The following SH3BGRL2 variants were observed in gnomAD, a reference collection of about 807,000 sequenced individuals.
The protein encoded by SH3BGRL2 is SH3 domain binding glutamate rich protein like 2, also known as SH3 domain-binding glutamic acid-rich-like protein 2.
Under a neutral mutation model 14.8 loss-of-function variants are expected in SH3BGRL2, and 21 were observed. The ratio of observed to expected loss-of-function variants is 1.42; its 90% CI spans 1.01 to 2.05. SH3BGRL2 has a LOEUF of 2.05. SH3BGRL2 is among the 30% of genes most tolerant of loss of function. The pLI, the probability that SH3BGRL2 is intolerant of heterozygous loss-of-function variation, is 0.00. For synonymous variants in SH3BGRL2, 50 were observed against 47.8 expected (o/e 1.05, Z -0.19); for missense variants, 147 against 130.8 (o/e 1.12, Z -0.61).
the SH3BGRL2 span, among the ~76,000 whole-genome samples, chr6:79,547,598 A>G: frequency 0.013 from 2,039 of 152,202 alleles, 52 homozygotes; most frequent in African/African-American, 0.045. Context: ...CTGCTCCCCA[A>G]CATTAGTCCG....
the SH3BGRL2 span, among the ~76,000 whole-genome samples, chr6:79,625,431 AGCTGC>A: frequency 6.6e-6 from 1 of 152,178 alleles, no homozygotes; most frequent in Non-Finnish European, 1.5e-5. Flanking sequence ...ATGAAATTTA[AGCTGC>A]ATTATTTGAC....
At chr6:79,592,040 A>G in the SH3BGRL2 span, among the ~76,000 whole-genome samples, 1 of 152,206 alleles carries the variant, frequency 6.6e-6, no homozygotes, top group Non-Finnish European at 1.5e-5. Context: ...AGATAACAAC[A>G]CTGATTCTAC....
At chr6:79,624,808 T>A in the SH3BGRL2 span, among the ~76,000 whole-genome samples, 1 of 152,144 alleles carries the variant, frequency 6.6e-6, no homozygotes, top group Non-Finnish European at 1.5e-5. Flanking sequence ...TTTCTGTTTT[T>A]TGGGTTTTTT....
At chr6:79,583,818 A>G in the SH3BGRL2 span, among the ~76,000 whole-genome samples, 1 of 152,168 alleles carries the variant, frequency 6.6e-6, no homozygotes, top group Non-Finnish European at 1.5e-5. Context: ...GTTTATTTTT[A>G]TTACTTTCTT....
chr6:79,559,293 A>C, the SH3BGRL2 span, among the ~76,000 whole-genome samples: 3 of 152,038 alleles, frequency 2.0e-5, no homozygotes, highest in East Asian at 3.9e-4. Context: ...GTGAGACCCC[A>C]TCCGTCTCTG....
At chr6:79,584,777 A>G in the SH3BGRL2 span, among the ~76,000 whole-genome samples, 2 of 152,114 alleles carry the variant, frequency 1.3e-5, no homozygotes, top group Non-Finnish European at 2.9e-5. Context: ...AGTGTTGATG[A>G]GAGTGTGGGG....
the SH3BGRL2 span, among the ~76,000 whole-genome samples, chr6:79,563,376 T>C: frequency 2.0e-5 from 3 of 152,004 alleles, no homozygotes; most frequent in African/African-American, 4.8e-5. Flanking sequence ...CCTCCTGAAG[T>C]GCTGGGATTA....
chr6:79,562,153 AGAGT>A, the SH3BGRL2 span, among the ~76,000 whole-genome samples: 3 of 152,176 alleles, frequency 2.0e-5, no homozygotes, highest in African/African-American at 7.2e-5. Context: ...TCACAAACTC[AGAGT>A]AAGACATTTG....
chr6:79,681,925 C>A (rs1769995218), intron 2 of SH3BGRL2, among the ~76,000 whole-genome samples: 1 of 151,386 alleles, frequency 6.6e-6, no homozygotes. Flanking sequence ...GCACTCCAGC[C>A]TGGGGGACAG....
intron 1 of SH3BGRL2, among the ~76,000 whole-genome samples, chr6:79,664,282 C>T (rs868689652): frequency 5.3e-5 from 8 of 152,250 alleles, no homozygotes; most frequent in African/African-American, 1.9e-4. Flanking sequence ...GGAGCTGTTC[C>T]TATTCACCCA....
the SH3BGRL2 span, among the ~76,000 whole-genome samples, chr6:79,607,746 A>C: frequency 6.6e-6 from 1 of 152,132 alleles, no homozygotes; most frequent in Non-Finnish European, 1.5e-5. Context: ...GGAGTTCAAG[A>C]CCAGCCTGGC....
the SH3BGRL2 span, among the ~76,000 whole-genome samples, chr6:79,595,310 C>G: frequency 6.6e-6 from 1 of 152,006 alleles, no homozygotes; most frequent in East Asian, 1.9e-4. Flanking sequence ...AAGGAATCTG[C>G]TGTTCATCGG....
At chr6:79,647,847 T>C (rs1769174249) in intron 1 of SH3BGRL2, among the ~76,000 whole-genome samples, 1 of 152,136 alleles carries the variant, frequency 6.6e-6, no homozygotes, top group East Asian at 1.9e-4. Context: ...TTCCCTGTTC[T>C]TTTTTGTCAA....
chr6:79,633,624 A>G (rs531484853), intron 1 of SH3BGRL2, among the ~76,000 whole-genome samples: 2 of 152,222 alleles, frequency 1.3e-5, no homozygotes, highest in South Asian at 4.2e-4. Flanking sequence ...CTAATTATCT[A>G]TTTTAATATT....
the SH3BGRL2 span, among the ~76,000 whole-genome samples, chr6:79,577,441 A>C: frequency 2.6e-5 from 4 of 152,232 alleles, no homozygotes; most frequent in African/African-American, 9.6e-5. Flanking sequence ...CATATATACT[A>C]AACCCTTTAC....
chr6:79,631,441 T>A lies in SH3BGRL2; in HGVS notation c.-21T>A. ...CCCGGAGCCCGGGGGGCAAGGGGTC[T>A]GTCCCGGGCGCAGCGAGAGGATGGT... is the stretch of plus-strand genomic sequence containing the variant. On this transcript the variant is annotated 5_prime_UTR_variant, in exon 1 of 4. Transcript: ENST00000369838. The A allele has an allele frequency of 1.3e-6, 2 of 1,516,390 alleles. No individual in the cohort carries two copies. Among genetic ancestry groups the A allele is most frequent in the Non-Finnish European group, 1.8e-6 (2 of 1,132,118 alleles). 93.9% of individuals were successfully genotyped at this position (1,516,390 alleles called of 1,614,324 possible).
At chr6:79,640,991 A>AAAAAC (rs1417505031) in intron 1 of SH3BGRL2, among the ~76,000 whole-genome samples, 3 of 152,320 alleles carry the variant, frequency 2.0e-5, no homozygotes, top group Middle Eastern at 3.4e-3. Context: ...ATCTAATATT[A>AAAAAC]AAAACAAAAC....
chr6:79,690,794 G>C (rs1384637671), intron 2 of SH3BGRL2, among the ~76,000 whole-genome samples: 1 of 152,166 alleles, frequency 6.6e-6, no homozygotes, highest in Non-Finnish European at 1.5e-5. Flanking sequence ...GCTCACGCCT[G>C]TCATCTCAGC....
the SH3BGRL2 span, among the ~76,000 whole-genome samples, chr6:79,594,231 G>A: frequency 6.6e-6 from 1 of 152,082 alleles, no homozygotes; most frequent in Admixed American, 6.6e-5. Flanking sequence ...AGACAAATTT[G>A]AAGATATTAT....
Sources: allele counts gnomAD v4.1 joint callset (sites outside exome capture counted in the v4.1 genomes callset), GRCh38; gene constraint gnomAD v4.1.1; transcripts MANE v1.5; gene names NCBI Gene and HGNC (gene_info 2026-07-23, HGNC 2026-07-21).